The following RPN1 variants were observed in gnomAD, a reference collection of about 807,000 sequenced individuals.
RPN1 encodes the protein dolichyl-diphosphooligosaccharide--protein glycosyltransferase subunit 1.
Under a neutral mutation model 55.5 loss-of-function variants are expected in RPN1, and 12 were observed. The observed-to-expected ratio is 0.22, with a 90% CI of 0.14 to 0.35. RPN1 has a LOEUF of 0.35. RPN1 is among the 10% of genes least tolerant of loss of function. RPN1 has a pLI of 1.00. For synonymous variants in RPN1, 317 were observed against 305.9 expected (o/e 1.04, Z -0.38); for missense variants, 679 against 761.3 (o/e 0.89, Z 1.27).
chr3:128,633,211 G>A (rs2069653401), intron 3 of RPN1, among the ~76,000 whole-genome samples: 1 of 151,678 alleles, frequency 6.6e-6, no homozygotes, highest in East Asian at 1.9e-4. Flanking sequence ...TACAGCAAGA[G>A]GTTTTTCTTT....
chr3:128,650,118 C>G lies in RPN1; in HGVS notation c.261+422G>C, dbSNP rs780134579. On this transcript the variant is annotated intron_variant, in intron 1 of 9. Transcript: ENST00000296255. ...GCCGTGAGAAATGAAGTCTGGCGCC[C>G]GCTGGCACCGGGCCGAGGGGCTGCC... Among the ~76,000 whole-genome samples, 125 of 152,344 alleles carry G rather than the reference C, an allele frequency of 8.2e-4. 2 individuals are homozygous for G. In the Middle Eastern group the frequency reaches 0.024, roughly 29 times the overall value.
Position 128,632,139 on chromosome 3 carries a change from A to C in RPN1, c.652T>G (p.Tyr218Asp), listed in dbSNP as rs764002311. Residue 218 changes from tyrosine to aspartate, a missense_variant, in exon 4 of 10, where the codon TAT becomes GAT. Coordinates refer to ENST00000296255, the MANE Select transcript of RPN1 (RefSeq NM_002950.4). ...GTCAGGAAAGGGCTGTTGTTCTCAT[A>C]ATGTACTTTAAAAGTATCCTGGAAG... Reference protein sequence around the residue: ...AYSQDTFKVHYENNSPFLTIT... With the variant: ...AYSQDTFKVHDENNSPFLTIT... The C allele has an allele frequency of 8.1e-6, 13 of 1,614,074 alleles. No homozygotes were observed. The South Asian group carries it at 1.3e-4, about 16-fold the overall frequency.
intron 3 of RPN1, among the ~76,000 whole-genome samples, chr3:128,634,426 AATAT>A (rs2069662573): frequency 1.3e-5 from 2 of 152,164 alleles, no homozygotes; most frequent in African/African-American, 4.8e-5. Context: ...CTTTATACAT[AATAT>A]GACAATAAGC....
Position 128,623,210 on chromosome 3 carries a change from G to T in RPN1, c.1396-801C>A, listed in dbSNP as rs981458290. Among the ~76,000 whole-genome samples the T allele has an allele frequency of 2.6e-5, 4 of 152,304 alleles. No individual in the cohort carries two copies. In the South Asian group the frequency reaches 8.3e-4, roughly 32 times the overall value. ...ACTTGAGGTCAGGCGTTCAAGACCA[G>T]CCTGGGTAACATAATGAGACTCCGT... On this transcript the variant is annotated intron_variant, in intron 8 of 9. Coordinates refer to ENST00000296255, the MANE Select transcript of RPN1 (RefSeq NM_002950.4).
intron 5 of RPN1, chr3:128,627,181 G>T (rs2069605568): frequency 6.9e-6 from 2 of 288,636 alleles, no homozygotes; most frequent in Non-Finnish European, 1.4e-5. Flanking sequence ...AGTGTGAGGA[G>T]TGGCTGAAAC....
intron 2 of RPN1, among the ~76,000 whole-genome samples, chr3:128,643,567 C>T (rs1356201045): frequency 6.6e-6 from 1 of 151,138 alleles, no homozygotes; most frequent in Non-Finnish European, 1.5e-5. Flanking sequence ...GAGGCCGAGG[C>T]GGCAGATCAC....
intron 5 of RPN1, among the ~76,000 whole-genome samples, chr3:128,629,501 C>T (rs2069626412): frequency 6.6e-6 from 1 of 152,032 alleles, no homozygotes; most frequent in Non-Finnish European, 1.5e-5. Flanking sequence ...GTGGAGGTTG[C>T]AGTGAGCCAA....
At position 128,631,979 on chromosome 3, in the gene RPN1, T is replaced by A. The variant is rs752498769; in HGVS notation, c.812A>T (p.Asp271Val). The change falls in exon 4 of 10, where the codon GAT becomes GTT. Residue 271 changes from aspartate to valine, a missense_variant. Physicochemically the swap from Asp to Val is radical, Grantham distance 152. Transcript: ENST00000296255. ...AGAACGGATGGAGGATATTCCACTA[T>A]CTGGCTGTCTCTGGTAATCATAGCG... ...FSRYDYQRQPDSGISSIRSFK... is the reference protein window; with the variant it reads ...FSRYDYQRQPVSGISSIRSFK... 2.5e-6 allele frequency: 4 copies of A among 1,614,200 alleles called. No homozygotes were observed. Among genetic ancestry groups the A allele is most frequent in the Non-Finnish European group, 3.4e-6 (4 of 1,180,036 alleles).
chr3:128,647,068 C>T (rs572710253), intron 1 of RPN1, among the ~76,000 whole-genome samples: 1 of 151,956 alleles, frequency 6.6e-6, no homozygotes, highest in East Asian at 1.9e-4. Flanking sequence ...AGATACATAA[C>T]CAGGAAAAGG....
At chr3:128,633,042 C>T (rs2069652578) in intron 3 of RPN1, among the ~76,000 whole-genome samples, 1 of 152,186 alleles carries the variant, frequency 6.6e-6, no homozygotes, top group Non-Finnish European at 1.5e-5. Context: ...CTAGTTTATT[C>T]ACTCATTCTA....
At chr3:128,628,621 GC>G (rs2069619011) in intron 5 of RPN1, among the ~76,000 whole-genome samples, 1 of 150,464 alleles carries the variant, frequency 6.6e-6, no homozygotes, top group Admixed American at 6.7e-5. Context: ...TCACCATGTT[GC>G]CCCGGCTGGT....
At chr3:128,632,463 AC>A (rs1450307100) in intron 3 of RPN1, among the ~76,000 whole-genome samples, 87 of 152,342 alleles carry the variant, frequency 5.7e-4, no homozygotes, top group African/African-American at 2.1e-3. Context: ...CATTCTCAAG[AC>A]AATATGATGA....
rs987233179 is a variant in RPN1, at chr3:128,650,738, C to G, written c.63G>C (p.Pro21=). 6.4e-7 allele frequency: 1 copy of G among 1,550,770 alleles called. No individual in the cohort carries two copies. The change falls in exon 1 of 10, where the codon CCG becomes CCC. Residue 21 remains proline, a synonymous_variant. Transcript: ENST00000296255. Reference sequence around the variant, plus strand: ...GCGGTGCCTCGGAGGAGGCGCTGCCCGGCGCCGGGGCCCAAGTCCCAAGCA... The same window carrying G: ...GCGGTGCCTCGGAGGAGGCGCTGCCGGGCGCCGGGGCCCAAGTCCCAAGCA... ...LLLLGTWAPA[P]GSASSEAPPL...
chr3:128,644,645 C>A (rs1355416070), intron 2 of RPN1: 8 of 573,660 alleles, frequency 1.4e-5, no homozygotes, highest in South Asian at 3.1e-5. Context: ...GGGCAACAGA[C>A]CCTGTCTCAA....
intron 4 of RPN1, among the ~76,000 whole-genome samples, chr3:128,631,637 G>C (rs2069642789): frequency 6.6e-6 from 1 of 152,148 alleles, no homozygotes; most frequent in African/African-American, 2.4e-5. Flanking sequence ...AGCTATTCAG[G>C]AGTCTGAGGC....
intron 1 of RPN1, among the ~76,000 whole-genome samples, chr3:128,645,646 G>A (rs568771125): frequency 3.3e-5 from 5 of 150,584 alleles, no homozygotes; most frequent in South Asian, 2.1e-4. Context: ...GTGAAACCCC[G>A]TCTCTACGAA....
chr3:128,620,561 G>C lies in RPN1; in HGVS notation c.1674C>G (p.Val558=). The C allele has an allele frequency of 6.2e-7, 1 of 1,613,862 alleles. No individual in the cohort carries two copies. Among genetic ancestry groups the C allele is most frequent in the Non-Finnish European group, 8.5e-7 (1 of 1,179,890 alleles). The part of the protein sequence containing the change: ...VSEMQKLDAQ[V]KELVLKSAVE... ...CCGCCGACTTCAGCACCAGCTCCTTGACCTGTGCATCCAGCTTCTGCATTT... is the reference window on the plus strand; with the variant it reads ...CCGCCGACTTCAGCACCAGCTCCTTCACCTGTGCATCCAGCTTCTGCATTT... Residue 558 remains valine, a synonymous_variant, in exon 10 of 10, where the codon GTC becomes GTG. Transcript: ENST00000296255.
chr3:128,629,944 G>A lies in RPN1; in HGVS notation c.1036+7C>T. 1.9e-6 allele frequency: 3 copies of A among 1,553,640 alleles called. No homozygotes were observed. The highest frequency in any genetic ancestry group is 2.7e-6 in the Non-Finnish European group (3 of 1,131,274). On this transcript the variant is annotated splice_region_variant and intron_variant, in intron 5 of 9. Transcript: ENST00000296255. The stretch of plus-strand genomic sequence containing the variant: ...GGTTAGTTTCTCCCTTACTATTGAA[G>A]ACTGACCCAAATTATAGAGGTACTC...
In RPN1 at chr3:128,629,959, T is replaced by C. The variant is rs759202343; in HGVS notation, c.1028A>G (p.Tyr343Cys). The C allele has an allele frequency of 1.3e-6, 2 of 1,598,320 alleles. No homozygotes were observed. Among genetic ancestry groups the C allele is most frequent in the Non-Finnish European group, 1.7e-6 (2 of 1,167,480 alleles). The part of the protein sequence containing the change: ...GYNLPSYEYL[Y>C]NLGDQYALKM... ...TACTATTGAAGACTGACCCAAATTATAGAGGTACTCATAGCTTGGGAGGTT... is the reference window on the plus strand; with the variant it reads ...TACTATTGAAGACTGACCCAAATTACAGAGGTACTCATAGCTTGGGAGGTT... Residue 343 changes from tyrosine (Y) to cysteine (C), a missense_variant, in exon 5 of 10, where the codon TAT becomes TGT. Transcript: ENST00000296255.
Sources: allele counts gnomAD v4.1 joint callset (sites outside exome capture counted in the v4.1 genomes callset), GRCh38; gene constraint gnomAD v4.1.1; transcripts MANE v1.5; gene names NCBI Gene and HGNC (gene_info 2026-07-23, HGNC 2026-07-21).